The following CLSTN2 variants were observed in gnomAD, a reference collection of about 807,000 sequenced individuals.
The protein encoded by CLSTN2 is calsyntenin-2.
CLSTN2 carries 48 observed loss-of-function variants against 101.2 expected under a neutral mutation model. The observed-to-expected ratio is 0.47, with a 90% confidence interval of 0.38 to 0.60. The LOEUF is 0.60. Among genes scored for constraint, CLSTN2 ranks in the 20% least tolerant of loss-of-function variants. The pLI, the probability that CLSTN2 is intolerant of heterozygous loss-of-function variation, is 0.00. For synonymous variants in CLSTN2, 481 were observed against 463.6 expected, an observed-to-expected ratio of 1.04 and a Z score of -0.48; for missense variants, 1,160 against 1,238.2, an observed-to-expected ratio of 0.94 and a Z score of 0.95.
At chr3:140,153,618 T>C (rs1198090181) in intron 1 of CLSTN2, among the ~76,000 whole-genome samples, 2 of 152,250 alleles carry the variant, frequency 1.3e-5, no homozygotes, top group African/African-American at 4.8e-5. Context: ...CGTTCTCAAA[T>C]TGTTACCTCA....
Position 140,404,785 on chromosome 3 carries a change from C to A in CLSTN2, c.637+19C>A. ...AGAAATGGTGAGTGACCTCAGAGGACCCCTGTGGGGTCAGGAAAACAAATC... is the reference window on the plus strand; with the variant it reads ...AGAAATGGTGAGTGACCTCAGAGGAACCCTGTGGGGTCAGGAAAACAAATC... On this transcript the variant is annotated intron_variant, in intron 4 of 16. Coordinates refer to ENST00000458420, the MANE Select transcript of CLSTN2 (RefSeq NM_022131.3). 1 of 1,605,552 alleles carries A rather than the reference C, an allele frequency of 6.2e-7. No individual in the cohort carries two copies. The highest frequency in any genetic ancestry group is 8.5e-7 in the Non-Finnish European group (1 of 1,172,174).
In CLSTN2 at chr3:140,176,062, T is replaced by A; in HGVS notation, c.221T>A (p.Val74Asp). Residue 74 changes from valine (V) to aspartate (D), a missense_variant, in exon 2 of 17, where the codon GTT (valine) becomes GAT (aspartate). Val to Asp is a radical substitution (Grantham distance 152, BLOSUM62 -3). Coordinates refer to ENST00000458420, the MANE Select transcript of CLSTN2 (RefSeq NM_022131.3). ...GTAGCCCTGGATAAAGATGCACCGGTTCCTTTTGCAGGTGAGATTATGGCT... is the reference window on the plus strand; with the variant it reads ...GTAGCCCTGGATAAAGATGCACCGGATCCTTTTGCAGGTGAGATTATGGCT... ...PLVALDKDAP[V>D]PFAGEICAFK... 1 of 1,613,824 alleles carries A rather than the reference T, an allele frequency of 6.2e-7. No individual in the cohort carries two copies. Among genetic ancestry groups the A allele is most frequent in the Non-Finnish European group, 8.5e-7 (1 of 1,179,830 alleles).
chr3:140,340,601 A>T (rs1027064363), intron 2 of CLSTN2, among the ~76,000 whole-genome samples: 1 of 152,218 alleles, frequency 6.6e-6, no homozygotes, highest in Non-Finnish European at 1.5e-5. Context: ...GAGAGTTATC[A>T]TAAACCCTAC....
At chr3:140,187,072 T>G (rs1254257114) in intron 2 of CLSTN2, among the ~76,000 whole-genome samples, 1 of 152,194 alleles carries the variant, frequency 6.6e-6, no homozygotes, top group Non-Finnish European at 1.5e-5. Context: ...CCCTTTCCTT[T>G]TTTTGTGCCT....
chr3:140,543,201 A>G (rs1470687123), intron 9 of CLSTN2, among the ~76,000 whole-genome samples: 1 of 152,124 alleles, frequency 6.6e-6, no homozygotes, highest in Non-Finnish European at 1.5e-5. Flanking sequence ...GAGATGACCA[A>G]CTGGATGCCC....
chr3:140,186,325 C>T (rs1329826613), intron 2 of CLSTN2, among the ~76,000 whole-genome samples: 2 of 152,300 alleles, frequency 1.3e-5, no homozygotes, highest in East Asian at 3.9e-4. Context: ...ATTGAATAGT[C>T]CTGGAATTGG....
intron 1 of CLSTN2, among the ~76,000 whole-genome samples, chr3:139,993,421 C>G (rs6768805): frequency 1.3e-5 from 2 of 152,000 alleles, no homozygotes; most frequent in Admixed American, 1.3e-4. Context: ...TTTCCTAATA[C>G]GTACTGCTTC....
Position 140,572,726 on chromosome 3 carries a change from G to A in CLSTN2, c.*6473G>A, listed in dbSNP as rs922342691. 1.3e-5 allele frequency: 2 copies of A among 152,300 alleles called. No homozygotes were observed. The highest frequency in any genetic ancestry group is 2.9e-5 in the Non-Finnish European group (2 of 68,102). The allele number at this position is 152,300 out of a possible 1,614,324, so 9.4% of individuals were successfully genotyped here. On this transcript the variant is annotated 3_prime_UTR_variant, in exon 17 of 17. Transcript: ENST00000458420. ...GGAGGCAGGCAGTCTGTGATTTAATGAGCTTTCTGACACACACTAAAGTTT... is the reference window on the plus strand; with the variant it reads ...GGAGGCAGGCAGTCTGTGATTTAATAAGCTTTCTGACACACACTAAAGTTT...
At chr3:140,037,361 G>A (rs1234580491) in intron 1 of CLSTN2, among the ~76,000 whole-genome samples, 1 of 151,800 alleles carries the variant, frequency 6.6e-6, no homozygotes, top group Non-Finnish European at 1.5e-5. Flanking sequence ...CTAATCAATT[G>A]GTAATTTTGA....
chr3:140,423,647 C>T (rs1330555082), intron 5 of CLSTN2, among the ~76,000 whole-genome samples: 1 of 152,102 alleles, frequency 6.6e-6, no homozygotes, highest in South Asian at 2.1e-4. Flanking sequence ...ATTCATAGTA[C>T]CCCCCACCAC....
At chr3:140,277,557 A>G (rs1426779794) in intron 2 of CLSTN2, among the ~76,000 whole-genome samples, 1 of 152,350 alleles carries the variant, frequency 6.6e-6, no homozygotes, top group East Asian at 1.9e-4. Flanking sequence ...AGAATCTTCT[A>G]TTCAATTCTG....
At chr3:140,157,702 G>A (rs572296475) in intron 1 of CLSTN2, among the ~76,000 whole-genome samples, 44 of 141,160 alleles carry the variant, frequency 3.1e-4, no homozygotes, top group African/African-American at 1.3e-3. Flanking sequence ...TTCATTGATT[G>A]TTTGTATGGA....
intron 1 of CLSTN2, among the ~76,000 whole-genome samples, chr3:140,041,678 G>T (rs2007764333): frequency 6.6e-6 from 1 of 152,162 alleles, no homozygotes; most frequent in Non-Finnish European, 1.5e-5. Context: ...TGCCTGAAAG[G>T]TGTTGGTCTC....
At chr3:140,104,277 A>G (rs1185644943) in intron 1 of CLSTN2, among the ~76,000 whole-genome samples, 1 of 152,182 alleles carries the variant, frequency 6.6e-6, no homozygotes, top group Non-Finnish European at 1.5e-5. Flanking sequence ...TGGCGGCACA[A>G]GAGAAAGAGA....
At chr3:140,481,533 T>C (rs1353222182) in intron 8 of CLSTN2, among the ~76,000 whole-genome samples, 2 of 152,226 alleles carry the variant, frequency 1.3e-5, no homozygotes, top group Non-Finnish European at 2.9e-5. Context: ...ATAAATTACC[T>C]TGGGCAGTAT....
chr3:140,554,783 A>G (rs1935764864), intron 10 of CLSTN2, among the ~76,000 whole-genome samples: 1 of 152,234 alleles, frequency 6.6e-6, no homozygotes. Flanking sequence ...TTATCTATAC[A>G]ATGGAATACA....
chr3:140,513,070 T>C (rs944576337), intron 8 of CLSTN2, among the ~76,000 whole-genome samples: 2 of 152,166 alleles, frequency 1.3e-5, no homozygotes, highest in Admixed American at 1.3e-4. Context: ...CAAAGATAAC[T>C]TGACTTCCTT....
At chr3:140,320,773 G>A (rs2087276493) in intron 2 of CLSTN2, among the ~76,000 whole-genome samples, 1 of 152,144 alleles carries the variant, frequency 6.6e-6, no homozygotes, top group Non-Finnish European at 1.5e-5. Context: ...TCAAAAGCAG[G>A]AAAAGACCAT....
intron 2 of CLSTN2, among the ~76,000 whole-genome samples, chr3:140,250,720 T>G (rs1177299441): frequency 6.6e-6 from 1 of 152,120 alleles, no homozygotes; most frequent in East Asian, 1.9e-4. Context: ...GCCAAATGGG[T>G]GTGAAAATCT....
Sources: gnomAD v4.1 joint callset for allele counts (sites outside exome capture counted in the v4.1 genomes callset) on GRCh38, gnomAD v4.1.1 for gene constraint, MANE v1.5 for transcripts, NCBI Gene and HGNC (gene_info 2026-07-23, HGNC 2026-07-21) for gene names.